Variants in KLF15 observed in about 807,000 individuals in gnomAD.
KLF15 encodes Krueppel-like factor 15.
Under a neutral mutation model 24.6 loss-of-function variants are expected in KLF15, and 4 were observed. The observed-to-expected ratio is 0.16, with a 90% CI of 0.08 to 0.37. The LOEUF (loss-of-function observed/expected upper bound fraction) is 0.37, where lower values mean the gene tolerates loss of function less well. Ranked by LOEUF, KLF15 falls within the 10% of genes least tolerant of loss-of-function variation. The pLI, the probability that KLF15 is intolerant of heterozygous loss-of-function variation, is 1.00. For missense variants in KLF15, 496 were observed against 560.6 expected (o/e 0.88, Z 1.16); for synonymous variants, 246 against 236.3 (o/e 1.04, Z -0.37).
chr3:126,315,531 A>G, the KLF15 span, among the ~76,000 whole-genome samples: 2 of 152,142 alleles, frequency 1.3e-5, no homozygotes, highest in Non-Finnish European at 2.9e-5. Flanking sequence ...TGGGCTCCCT[A>G]CACAAGAGTG....
chr3:126,328,035 C>A, the KLF15 span, among the ~76,000 whole-genome samples: 1 of 152,102 alleles, frequency 6.6e-6, no homozygotes, highest in Non-Finnish European at 1.5e-5. Flanking sequence ...CATCACCCGA[C>A]CAGTATACCC....
At chr3:126,303,507 C>G in the KLF15 span, among the ~76,000 whole-genome samples, 3 of 151,858 alleles carry the variant, frequency 2.0e-5, no homozygotes, top group Admixed American at 2.0e-4. Context: ...TGCTGTTATC[C>G]TTATCTTTGT....
intron 2 of KLF15, among the ~76,000 whole-genome samples, chr3:126,347,216 C>A (rs927092820): frequency 6.6e-6 from 1 of 152,138 alleles, no homozygotes; most frequent in African/African-American, 2.4e-5. Context: ...GAGACACTAA[C>A]CCTCATCCGC....
the KLF15 span, among the ~76,000 whole-genome samples, chr3:126,316,384 C>T: frequency 3.9e-4 from 38 of 96,240 alleles, no homozygotes; most frequent in African/African-American, 1.4e-3. Context: ...GGGAGTCCAC[C>T]GGCTGGAGCA....
Position 126,352,622 on chromosome 3 carries a change from C to A in KLF15, c.301G>T (p.Gly101Cys). 6.2e-7 allele frequency: 1 copy of A among 1,603,852 alleles called. No homozygotes were observed. Among genetic ancestry groups the A allele is most frequent in the East Asian group, 2.3e-5 (1 of 44,422 alleles). ...GSGSSIGASSGPVAWGPWRRA... is the reference protein window; with the variant it reads ...GSGSSIGASSCPVAWGPWRRA... ...CGCCAGGGCCCCCAGGCCACGGGGC[C>A]ACTGCTGGCCCCAATGCTACTGCCG... Residue 101 changes from glycine to cysteine, a missense_variant, in exon 2 of 3, where the codon GGC becomes TGC. Coordinates refer to ENST00000296233, the MANE Select transcript of KLF15 (RefSeq NM_014079.4).
chr3:126,290,495 T>C, the KLF15 span, among the ~76,000 whole-genome samples: 20 of 107,270 alleles, frequency 1.9e-4, no homozygotes, highest in African/African-American at 6.3e-4. Flanking sequence ...TTCCTTCCTT[T>C]CTTCCTTCCT....
At chr3:126,351,698 C>T in intron 2 of KLF15, 143 bp downstream of exon 2, 1 of 1,054,960 alleles carries the variant, frequency 9.5e-7, no homozygotes, top group South Asian at 1.7e-5. Context: ...ACTGTGCCAG[C>T]TCTGGGCCTG....
the KLF15 span, among the ~76,000 whole-genome samples, chr3:126,312,591 C>T: frequency 1.3e-5 from 2 of 152,340 alleles, no homozygotes; most frequent in Middle Eastern, 3.4e-3. Context: ...GCGCTAAGTG[C>T]TTTTCCCATC....
chr3:126,323,869 C>T, the KLF15 span, among the ~76,000 whole-genome samples: 1 of 152,000 alleles, frequency 6.6e-6, no homozygotes, highest in African/African-American at 2.4e-5. Context: ...TGGCTTCCAG[C>T]TTCTCCATGT....
chr3:126,312,426 T>C, the KLF15 span, among the ~76,000 whole-genome samples: 102,828 of 152,030 alleles, frequency 0.68, 35,682 homozygotes, highest in African/African-American at 0.84. Context: ...CCTCCCACCT[T>C]GGTCATCCAA....
At position 126,343,244 on chromosome 3, in the gene KLF15, C is replaced by T. The variant is rs2082496716; in HGVS notation, c.*483G>A. 6.7e-6 allele frequency: 1 copy of T among 148,272 alleles called. No homozygotes were observed. The highest frequency in any genetic ancestry group is 1.5e-5 in the Non-Finnish European group (1 of 67,610). 9.2% of individuals were successfully genotyped at this position (148,272 alleles called of 1,614,324 possible). Reference sequence around the variant, plus strand: ...GAGCAGGCATCTTAGACAAAGCCACCCTCACACCACAGTGCAGCCCTGGAC... The same window carrying T: ...GAGCAGGCATCTTAGACAAAGCCACTCTCACACCACAGTGCAGCCCTGGAC... On this transcript the variant is annotated 3_prime_UTR_variant, in exon 3 of 3. Transcript: ENST00000296233.
At chr3:126,311,864 A>C in the KLF15 span, among the ~76,000 whole-genome samples, 2,636 of 152,298 alleles carry the variant, frequency 0.017, 72 homozygotes, top group African/African-American at 0.059. Flanking sequence ...CCCTGCTGCT[A>C]TCAACTGGCT....
chr3:126,352,272 G>A lies in KLF15; in HGVS notation c.651C>T (p.Ile217=). 5 of 1,541,046 alleles carry A rather than the reference G, an allele frequency of 3.2e-6. No homozygotes were observed. Among genetic ancestry groups the A allele is most frequent in the Non-Finnish European group, 4.4e-6 (5 of 1,146,960 alleles). ...CGGGCTGGATCTGCAGCAACACTGG[G>A]ATGGGGCCATCAGGCGTGGGGCCCC... The part of the protein sequence containing the change: ...PGGGPTPDGP[I]PVLLQIQPVP... Residue 217 remains isoleucine (I), a synonymous_variant, in exon 2 of 3, where the codon ATC becomes ATT. Transcript: ENST00000296233.
Position 126,343,425 on chromosome 3 carries a change from G to A in KLF15, c.*302C>T, listed in dbSNP as rs2082498547. On this transcript the variant is annotated 3_prime_UTR_variant, in exon 3 of 3. Coordinates refer to ENST00000296233, the MANE Select transcript of KLF15 (RefSeq NM_014079.4). ...GGGCCAGGTCCCCAAAACTCTGCCT[G>A]CAACCAGCGGCTGCAGCAGAGGCCT... 1 of 352,298 alleles carries A rather than the reference G, an allele frequency of 2.8e-6. No homozygotes were observed. Among genetic ancestry groups the A allele is most frequent in the East Asian group, 6.4e-5 (1 of 15,586 alleles). The allele number at this position is 352,298 out of a possible 1,614,324, so 21.8% of individuals were successfully genotyped here.
chr3:126,351,087 G>T (rs865845746), intron 2 of KLF15, among the ~76,000 whole-genome samples: 1 of 69,350 alleles, frequency 1.4e-5, no homozygotes, highest in Non-Finnish European at 3.5e-5. Context: ...CTCAGGGAAG[G>T]GTGCTCCCTG....
At chr3:126,347,714 C>T (rs1050126446) in intron 2 of KLF15, among the ~76,000 whole-genome samples, 3 of 152,208 alleles carry the variant, frequency 2.0e-5, no homozygotes, top group Admixed American at 6.5e-5. Flanking sequence ...ACAGGGAAAG[C>T]CTGCTCTCAG....
At chr3:126,301,610 C>CTTTTTTTTTTTTT in the KLF15 span, among the ~76,000 whole-genome samples, 79 of 132,240 alleles carry the variant, frequency 6.0e-4, no homozygotes, top group East Asian at 1.1e-3. Context: ...TTTTCTTTTT[C>CTTTTTTTTTTTTT]TTTTTTTTTT....
the KLF15 span, among the ~76,000 whole-genome samples, chr3:126,332,376 A>C: frequency 7.1e-6 from 1 of 140,926 alleles, no homozygotes; most frequent in African/African-American, 2.7e-5. Context: ...TGTTAGAAGG[A>C]AAACTAACAA....
intron 1 of KLF15, chr3:126,353,962 T>C (rs1286919975): frequency 6.6e-6 from 1 of 152,342 alleles, no homozygotes; most frequent in East Asian, 1.9e-4. Context: ...AATAAGGAAG[T>C]GGAGTCCCCT....
Sources: gnomAD v4.1 joint callset for allele counts (sites outside exome capture counted in the v4.1 genomes callset) on GRCh38, gnomAD v4.1.1 for gene constraint, MANE v1.5 for transcripts, NCBI Gene and HGNC (gene_info 2026-07-23, HGNC 2026-07-21) for gene names.